The following SLC6A11 variants were observed in gnomAD, a reference collection of about 807,000 sequenced individuals.
SLC6A11 encodes the protein solute carrier family 6 member 11.
In SLC6A11, 25 loss-of-function variants were observed where a neutral mutation model predicts 74.8. That is an observed-to-expected ratio of 0.33 (90% CI 0.24 to 0.47). SLC6A11 has a LOEUF of 0.47. Among genes scored for constraint, SLC6A11 ranks in the 20% least tolerant of loss-of-function variants. The probability of loss-of-function intolerance (pLI) is 1.00; values close to 1 mark genes in which losing one functional copy is unlikely to be tolerated. For synonymous variants in SLC6A11, 330 were observed against 330.2 expected (o/e 1.00, Z 0.01); for missense variants, 574 against 837.0 (o/e 0.69, Z 3.88).
intron 9 of SLC6A11, among the ~76,000 whole-genome samples, chr3:10,928,631 A>G (rs944392206): frequency 4.6e-5 from 7 of 152,182 alleles, no homozygotes; most frequent in African/African-American, 1.7e-4. Flanking sequence ...AAAGACACCC[A>G]GCAGAGACAA....
At chr3:10,917,990 C>G (rs746380755) in intron 7 of SLC6A11, among the ~76,000 whole-genome samples, 1 of 152,220 alleles carries the variant, frequency 6.6e-6, no homozygotes, top group Non-Finnish European at 1.5e-5. Context: ...CCCAGCCTTT[C>G]TCTCCTACCA....
chr3:10,826,615 G>C (rs1469044232), intron 4 of SLC6A11, among the ~76,000 whole-genome samples: 1 of 152,174 alleles, frequency 6.6e-6, no homozygotes, highest in Non-Finnish European at 1.5e-5. Context: ...GCAGAACCTT[G>C]TCTGGTTTTA....
rs1412311757 is a variant in SLC6A11 at position 10,816,825 on chromosome 3, G to A, written c.256+304G>A. On this transcript the variant is annotated intron_variant, in intron 1 of 13. Transcript: ENST00000254488. This position sits in a 1 kb window ranked among gnomAD's most constrained non-coding sequence, Gnocchi z 4.2. ...AGCCCTTGCTTTGGGTAGGCGCCCT[G>A]GTGTTTCGGGCACTTGGCCCCTTGG... 1.3e-5 allele frequency among the ~76,000 whole-genome samples: 2 copies of A among 152,246 alleles called. No individual in the cohort carries two copies. The highest frequency in any genetic ancestry group is 4.8e-5 in the African/African-American group (2 of 41,476).
Position 10,938,350 on chromosome 3 carries a change from T to G in SLC6A11, c.1847T>G (p.Leu616Arg), listed in dbSNP as rs1695782861. 5.0e-6 allele frequency: 8 copies of G among 1,612,440 alleles called. No individual in the cohort carries two copies. Among genetic ancestry groups the G allele is most frequent in the African/African-American group, 1.3e-5 (1 of 74,860 alleles). Residue 616 changes from leucine (L) to arginine (R), a missense_variant, in exon 14 of 14, where the codon CTC (leucine) becomes CGC (arginine). Coordinates refer to ENST00000254488, the MANE Select transcript of SLC6A11 (RefSeq NM_014229.3). ...ACAGTTAATGACTGTGATGCCAAAC[T>G]CAAGAGTGACGGGACCATCGCAGCC... ...MVTVNDCDAK[L>R]KSDGTIAAIT... is the part of the protein sequence containing the mutation.
rs563126038 is a variant in SLC6A11, at chr3:10,858,983, G to C, written c.756+14637G>C. ...CTCGAGGGTATATGAAGAGAAACAG[G>C]CTGGATTGGTAGGTAGAGATCAGCT... is the stretch of plus-strand genomic sequence containing the variant. On this transcript the variant is annotated intron_variant, in intron 5 of 13. Transcript: ENST00000254488. 1.6e-4 allele frequency among the ~76,000 whole-genome samples: 24 copies of C among 152,296 alleles called. No individual in the cohort carries two copies. The South Asian group carries it at 4.8e-3, about 30-fold the overall frequency.
intron 7 of SLC6A11, among the ~76,000 whole-genome samples, chr3:10,913,850 C>T (rs759445713): frequency 3.9e-5 from 6 of 152,056 alleles, no homozygotes; most frequent in Non-Finnish European, 7.4e-5. Flanking sequence ...CCCGCCACCA[C>T]GCCCGGCTAA....
rs1695713768 is a variant in SLC6A11, at chr3:10,933,210, C to T, written c.1431C>T (p.Leu477=). 7 of 1,614,100 alleles carry T rather than the reference C, an allele frequency of 4.3e-6. No homozygotes were observed. Among genetic ancestry groups the T allele is most frequent in the South Asian group, 1.1e-5 (1 of 91,060 alleles). The change falls in exon 11 of 14, where the codon CTC becomes CTT. Residue 477 remains leucine, a synonymous_variant. Coordinates refer to ENST00000254488, the MANE Select transcript of SLC6A11 (RefSeq NM_014229.3). ...ATGCCGCCAGTGGGATGTGCCTTCT[C>T]TTCGTGGCCATCTTTGAGTGCATCT... ...DSYAASGMCL[L]FVAIFECICI...
At chr3:10,919,883 G>T (rs1465790986) in intron 8 of SLC6A11, among the ~76,000 whole-genome samples, 2 of 152,172 alleles carry the variant, frequency 1.3e-5, no homozygotes, top group African/African-American at 2.4e-5. Flanking sequence ...GGACACACAG[G>T]CTGGAAGCAA....
chr3:10,868,839 C>A (rs2106599691), intron 5 of SLC6A11, among the ~76,000 whole-genome samples: 1 of 152,360 alleles, frequency 6.6e-6, no homozygotes, highest in African/African-American at 2.4e-5. Context: ...TAGGAAGCAC[C>A]TTGCACCTGA....
chr3:10,933,113 T>C (rs755490583), intron 10 of SLC6A11, 38 bp from the exon 11 acceptor site: 3 of 1,477,652 alleles, frequency 2.0e-6, no homozygotes, highest in Admixed American at 3.3e-5. Context: ...CGTGTGTCCG[T>C]TCACCTCCCA....
At chr3:10,863,753 A>G (rs1050675258) in intron 5 of SLC6A11, among the ~76,000 whole-genome samples, 1 of 152,172 alleles carries the variant, frequency 6.6e-6, no homozygotes, top group Non-Finnish European at 1.5e-5. Context: ...GTGAAGGGTG[A>G]CATGAAAGCA....
chr3:10,886,750 T>C (rs1372706698), intron 6 of SLC6A11, among the ~76,000 whole-genome samples: 1 of 148,206 alleles, frequency 6.7e-6, no homozygotes, highest in Non-Finnish European at 1.5e-5. Flanking sequence ...GAGGTTGCAG[T>C]GAGCCAAGAT....
intron 5 of SLC6A11, 33 bp from the exon 6 acceptor site, chr3:10,874,928 C>T (rs78860697): frequency 0.055 from 87,115 of 1,575,064 alleles, 2,747 homozygotes; most frequent in Middle Eastern, 0.068. Flanking sequence ...CTCTCACCCC[C>T]TTCTTGATTC....
intron 4 of SLC6A11, among the ~76,000 whole-genome samples, chr3:10,837,236 T>C (rs903651985): frequency 4.6e-5 from 7 of 152,168 alleles, no homozygotes; most frequent in Admixed American, 2.0e-4. Context: ...AATTCTGCAA[T>C]GTGAGGAAGT....
chr3:10,904,276 G>T (rs1032680313), intron 6 of SLC6A11, among the ~76,000 whole-genome samples: 4 of 152,232 alleles, frequency 2.6e-5, no homozygotes, highest in African/African-American at 7.2e-5. Flanking sequence ...GGGAAGGTGG[G>T]CTATGCCATT....
intron 5 of SLC6A11, among the ~76,000 whole-genome samples, chr3:10,862,981 A>T (rs1425255385): frequency 6.6e-6 from 1 of 152,240 alleles, no homozygotes; most frequent in African/African-American, 2.4e-5. Flanking sequence ...AGAGACTGAA[A>T]TGAGAACATG....
intron 6 of SLC6A11, among the ~76,000 whole-genome samples, chr3:10,905,180 T>C (rs189960826): frequency 5.1e-4 from 78 of 152,386 alleles, no homozygotes; most frequent in African/African-American, 1.7e-3. Flanking sequence ...GATAATGCTT[T>C]GGCAGAGATA....
chr3:10,853,748 A>G (rs1249381759), intron 5 of SLC6A11, among the ~76,000 whole-genome samples: 1 of 152,218 alleles, frequency 6.6e-6, no homozygotes, highest in Non-Finnish European at 1.5e-5. Context: ...AAGTCACCTG[A>G]CCATGGATGT....
At chr3:10,899,337 C>T (rs1269983523) in intron 6 of SLC6A11, among the ~76,000 whole-genome samples, 2 of 152,344 alleles carry the variant, frequency 1.3e-5, no homozygotes, top group East Asian at 3.9e-4. Flanking sequence ...CCACAGATAT[C>T]CCCTGGGAGG....
Sources: gnomAD v4.1 joint callset for allele counts (sites outside exome capture counted in the v4.1 genomes callset) on GRCh38, gnomAD v4.1.1 for gene constraint, Gnocchi (gnomAD v3.1) non-coding constraint, MANE v1.5 for transcripts, NCBI Gene and HGNC (gene_info 2026-07-23, HGNC 2026-07-21) for gene names.